Variants in ACYP2 observed in about 807,000 individuals in gnomAD.
The protein encoded by ACYP2 is acylphosphatase 2, also known as acylphosphatase-2.
A neutral mutation model predicts 11.2 loss-of-function variants in ACYP2; 12 were observed. That is an observed-to-expected ratio of 1.08 (90% confidence interval 0.69 to 1.74). The LOEUF is 1.74. Among genes scored for constraint, ACYP2 ranks in the 40% most tolerant of loss-of-function variants. The pLI is 0.00. For missense variants in ACYP2, 134 were observed against 101.9 expected (o/e 1.31, Z -1.35); for synonymous variants, 43 against 32.2 (o/e 1.33, Z -1.13).
rs1174682134 is a variant in ACYP2 at position 53,984,576 on chromosome 2, A to G, written c.62+10766A>G. 5.3e-5 allele frequency among the ~76,000 whole-genome samples: 8 copies of G among 151,880 alleles called. No homozygotes were observed. In the East Asian group the frequency reaches 1.5e-3, roughly 29 times the overall value. On this transcript the variant is annotated intron_variant, in intron 2 of 6. Transcript: ENST00000607452. ...TGGGCAACAAGAGCAAAACTTAAAA[A>G]GAAATTCAAGTGAATTGAATCCAGA...
In ACYP2 at chr2:54,304,700, G is replaced by A. The variant is rs142380015; in HGVS notation, c.417G>A (p.Leu139=). Residue 139 remains leucine, a synonymous_variant, in exon 7 of 7, where the codon CTG becomes CTA. Coordinates refer to ENST00000607452, the MANE Select transcript of ACYP2 (RefSeq NM_001320586.2). ...TGTTTTTTTATAGGAAGTCCTGGCTGAGCAAGGTTGGAAGCCCTAGTTCTC... is the reference window on the plus strand; with the variant it reads ...TGTTTTTTTATAGGAAGTCCTGGCTAAGCAAGGTTGGAAGCCCTAGTTCTC... 104 of 1,609,254 alleles carry A rather than the reference G, an allele frequency of 6.5e-5. No individual in the cohort carries two copies. Among genetic ancestry groups the A allele is most frequent in the Non-Finnish European group, 8.4e-5 (99 of 1,178,028 alleles).
chr2:54,251,540 GA>G (rs1293743138), intron 6 of ACYP2, among the ~76,000 whole-genome samples: 1 of 152,034 alleles, frequency 6.6e-6, no homozygotes, highest in African/African-American at 2.4e-5. Context: ...CAGCGCTTCA[GA>G]ATCTACCATC....
At chr2:54,226,763 A>G (rs1289297403) in intron 6 of ACYP2, among the ~76,000 whole-genome samples, 2 of 152,188 alleles carry the variant, frequency 1.3e-5, no homozygotes, top group African/African-American at 4.8e-5. Flanking sequence ...TTCCCTTACA[A>G]CAAATCAACA....
At chr2:54,213,773 C>CT (rs113251346) in intron 6 of ACYP2, among the ~76,000 whole-genome samples, 12,497 of 150,240 alleles carry the variant, frequency 0.083, 1,767 homozygotes, top group African/African-American at 0.29. Context: ...ACACCCCCTA[C>CT]TTTTTTTTGA....
intron 6 of ACYP2, among the ~76,000 whole-genome samples, chr2:54,240,387 A>G (rs776679400): frequency 4.9e-4 from 75 of 152,224 alleles, no homozygotes; most frequent in Admixed American, 3.9e-4. Context: ...TGAGCAGACA[A>G]ACAAAAAAGA....
intron 6 of ACYP2, among the ~76,000 whole-genome samples, chr2:54,288,614 T>G (rs1689178220): frequency 6.6e-6 from 1 of 152,084 alleles, no homozygotes; most frequent in African/African-American, 2.4e-5. Flanking sequence ...GTTTATAAAT[T>G]GATCTCCTAG....
At chr2:53,983,243 C>T (rs879367027) in intron 2 of ACYP2, among the ~76,000 whole-genome samples, 5 of 152,104 alleles carry the variant, frequency 3.3e-5, no homozygotes, top group African/African-American at 1.2e-4. Flanking sequence ...GTGTGGCTCA[C>T]GTCTGTAATC....
At chr2:54,220,520 T>C (rs1204796511) in intron 6 of ACYP2, among the ~76,000 whole-genome samples, 1 of 152,222 alleles carries the variant, frequency 6.6e-6, no homozygotes, top group Admixed American at 6.5e-5. Flanking sequence ...GATACAATTA[T>C]GAATTTTTTA....
intron 6 of ACYP2, among the ~76,000 whole-genome samples, chr2:54,204,944 T>A (rs1420885285): frequency 2.0e-5 from 3 of 152,190 alleles, no homozygotes; most frequent in Non-Finnish European, 4.4e-5. Flanking sequence ...TTACATCCTT[T>A]TGGAACTTAA....
In ACYP2 at chr2:54,259,405, G is replaced by T. The variant is rs532463169; in HGVS notation, c.405-45283G>T. Among the ~76,000 whole-genome samples the T allele has an allele frequency of 3.9e-5, 6 of 152,266 alleles. No individual in the cohort carries two copies. The South Asian group carries it at 1.2e-3, about 32-fold the overall frequency. On this transcript the variant is annotated intron_variant, in intron 6 of 6. Coordinates refer to ENST00000607452, the MANE Select transcript of ACYP2 (RefSeq NM_001320586.2). ...AAGATAGTGAGTCCTGATAAGCTGG[G>T]CCCTGAAGACTCCAAAAGTATAAGG...
chr2:54,063,549 A>T (rs984315458), intron 4 of ACYP2, among the ~76,000 whole-genome samples: 10 of 152,158 alleles, frequency 6.6e-5, no homozygotes, highest in African/African-American at 2.2e-4. Flanking sequence ...GAACAGAGAG[A>T]AATCAGGCAA....
rs141382951 is a variant in ACYP2, at chr2:54,295,853, C to T, written c.405-8835C>T. Among the ~76,000 whole-genome samples, 393 of 152,064 alleles carry T rather than the reference C, an allele frequency of 2.6e-3. 3 individuals carry two copies. Among genetic ancestry groups the T allele is most frequent in the Middle Eastern group, 0.01 (3 of 294 alleles). On this transcript the variant is annotated intron_variant, in intron 6 of 6. Transcript: ENST00000607452. ...TCGGCTCACTGCAACCTCCGCCTCCCGGGTTCAAGCAATTCTCGTACCTCA... is the reference window on the plus strand; with the variant it reads ...TCGGCTCACTGCAACCTCCGCCTCCTGGGTTCAAGCAATTCTCGTACCTCA...
intron 6 of ACYP2, chr2:54,142,490 A>C (rs959296859): frequency 1.3e-5 from 2 of 152,192 alleles, no homozygotes; most frequent in Admixed American, 6.5e-5. Context: ...CGGGAGGCTG[A>C]GGCGGGCGGA....
At chr2:54,233,432 G>A (rs2103970593) in intron 6 of ACYP2, among the ~76,000 whole-genome samples, 1 of 151,876 alleles carries the variant, frequency 6.6e-6, no homozygotes, top group African/African-American at 2.4e-5. Flanking sequence ...ATGTAGCTGG[G>A]ACTACAGGCA....
At chr2:54,029,534 T>A in intron 2 of ACYP2, 1 of 400,154 alleles carries the variant, frequency 2.5e-6, no homozygotes. Context: ...TCCTTCCCAT[T>A]GGTTCTCTCA....
chr2:54,162,406 C>T (rs919859508), intron 6 of ACYP2, among the ~76,000 whole-genome samples: 2 of 152,156 alleles, frequency 1.3e-5, no homozygotes, highest in African/African-American at 4.8e-5. Context: ...GCTCAGTATT[C>T]TCTCTTCTAT....
At chr2:54,246,544 T>C (rs750811523) in intron 6 of ACYP2, among the ~76,000 whole-genome samples, 4 of 152,202 alleles carry the variant, frequency 2.6e-5, no homozygotes, top group Non-Finnish European at 5.9e-5. Flanking sequence ...GTGTTTGTAA[T>C]CTAAAATCTA....
intron 6 of ACYP2, among the ~76,000 whole-genome samples, chr2:54,158,407 T>C (rs1572868565): frequency 6.6e-6 from 1 of 152,128 alleles, no homozygotes; most frequent in Middle Eastern, 3.4e-3. Flanking sequence ...GGTCTCACTG[T>C]GTTGCCCAGC....
rs1446273762 is a variant in ACYP2, at chr2:54,094,688, C to T, written c.277+37328C>T. ...AAGTAGCCAGGACTACAGGCATGTG[C>T]CACCACGCCCAGCTAATTTTTGTAT... On this transcript the variant is annotated intron_variant, in intron 4 of 6. Coordinates refer to ENST00000607452, the MANE Select transcript of ACYP2 (RefSeq NM_001320586.2). 3.3e-5 allele frequency among the ~76,000 whole-genome samples: 5 copies of T among 152,070 alleles called. No individual in the cohort carries two copies. The South Asian group carries it at 1.0e-3, about 31-fold the overall frequency.
Sources: allele counts gnomAD v4.1 joint callset (sites outside exome capture counted in the v4.1 genomes callset), GRCh38; gene constraint gnomAD v4.1.1; transcripts MANE v1.5; gene names NCBI Gene and HGNC (gene_info 2026-07-23, HGNC 2026-07-21).